The following BLTP2 variants were observed in gnomAD, a reference collection of about 807,000 sequenced individuals.
The protein encoded by BLTP2 is U937-associated antigen.
the BLTP2 span, chr17:28,634,622 C>T: frequency 6.2e-7 from 1 of 1,614,210 alleles, no homozygotes; most frequent in Non-Finnish European, 8.5e-7. Context: ...TGAACCTGTT[C>T]TACCACATGC....
the BLTP2 span, chr17:28,643,806 T>C: frequency 1.1e-6 from 1 of 898,180 alleles, no homozygotes; most frequent in Non-Finnish European, 1.8e-6. Flanking sequence ...AACAGTAAAA[T>C]CTTCGATTTC....
chr17:28,620,628 C>A, the BLTP2 span: 4 of 1,613,236 alleles, frequency 2.5e-6, no homozygotes, highest in South Asian at 3.3e-5. Context: ...GTATCCACAG[C>A]CCCTAGATAA....
At chr17:28,632,839 T>TCTCCCCTCCC in the BLTP2 span, 1 of 855,102 alleles carries the variant, frequency 1.2e-6, no homozygotes, top group Non-Finnish European at 1.7e-6. Flanking sequence ...CCCTTGCCCT[T>TCTCCCCTCCC]CTCCCCTCCC....
chr17:28,617,062 A>G, the BLTP2 span: 1 of 1,320,338 alleles, frequency 7.6e-7, no homozygotes, highest in Non-Finnish European at 1.1e-6. Flanking sequence ...AGCAACCCAC[A>G]AATCCTCTGC....
At chr17:28,634,999 G>C in the BLTP2 span, 1 of 1,613,328 alleles carries the variant, frequency 6.2e-7, no homozygotes, top group Non-Finnish European at 8.5e-7. Flanking sequence ...GAGTGGGACA[G>C]GGCTTGGAGA....
chr17:28,631,841 T>C, the BLTP2 span: 1 of 1,613,660 alleles, frequency 6.2e-7, no homozygotes, highest in South Asian at 1.1e-5. Context: ...AGCCGCTGAG[T>C]CCCCCGAGTG....
At chr17:28,642,973 A>C in the BLTP2 span, 3,814 of 1,593,888 alleles carry the variant, frequency 2.4e-3, 19 homozygotes, top group South Asian at 9.7e-3. Context: ...TAGCATCTAC[A>C]TGAATGGAGA....
chr17:28,626,018 C>T, the BLTP2 span, among the ~76,000 whole-genome samples: 32 of 152,338 alleles, frequency 2.1e-4, no homozygotes, highest in African/African-American at 7.2e-4. Context: ...CCGCCTCGGC[C>T]TCCCAAAGTG....
At chr17:28,639,944 T>C in the BLTP2 span, 2 of 1,614,100 alleles carry the variant, frequency 1.2e-6, no homozygotes, top group East Asian at 4.5e-5. Flanking sequence ...TATCAGAGTT[T>C]GCTGTGAAGC....
At chr17:28,638,651 G>T in the BLTP2 span, 1 of 1,481,296 alleles carries the variant, frequency 6.8e-7, no homozygotes, top group Non-Finnish European at 9.4e-7. Flanking sequence ...TTCTGCATAG[G>T]AACAAGACAT....
chr17:28,618,757 C>T, the BLTP2 span: 3 of 1,573,796 alleles, frequency 1.9e-6, no homozygotes, highest in Admixed American at 1.7e-5. Flanking sequence ...TCTCTCAATA[C>T]AGCTGCCTTT....
the BLTP2 span, chr17:28,637,841 A>C: frequency 1.1e-5 from 17 of 1,613,662 alleles, no homozygotes; most frequent in Non-Finnish European, 1.7e-6. Context: ...CTTACCAACC[A>C]AGGCAGAAAG....
chr17:28,627,858 G>C, the BLTP2 span, among the ~76,000 whole-genome samples: 3 of 151,640 alleles, frequency 2.0e-5, no homozygotes, highest in Non-Finnish European at 2.9e-5. Flanking sequence ...ATGGGGTTTT[G>C]CCATGTTGGC....
chr17:28,623,737 C>A, the BLTP2 span: 3 of 1,600,018 alleles, frequency 1.9e-6, no homozygotes, highest in Non-Finnish European at 2.6e-6. Context: ...ATATAATGGG[C>A]CTTCACAAAC....
the BLTP2 span, chr17:28,632,816 T>C: frequency 1.5e-6 from 1 of 651,662 alleles, no homozygotes; most frequent in Non-Finnish European, 2.5e-6. Context: ...AAAAAGGTCC[T>C]AACCTAGATT....
At chr17:28,616,847 A>T in the BLTP2 span, 17 of 1,604,760 alleles carry the variant, frequency 1.1e-5, no homozygotes, top group Non-Finnish European at 1.3e-5. The surrounding 1 kb of genome is among the most constrained non-coding windows in gnomAD (Gnocchi z 4.8). Flanking sequence ...GTGGCTTTTG[A>T]ATGTCCCTTG....
At chr17:28,620,031 G>A in the BLTP2 span, 1 of 1,599,242 alleles carries the variant, frequency 6.3e-7, no homozygotes, top group Non-Finnish European at 8.5e-7. Context: ...GGAATGGAAA[G>A]GGAAATGAAT....
At chr17:28,633,951 C>T in the BLTP2 span, 1 of 1,614,136 alleles carries the variant, frequency 6.2e-7, no homozygotes, top group South Asian at 1.1e-5. Flanking sequence ...TGCCACGTTA[C>T]CCCACGGAAG....
At chr17:28,643,609 C>T in the BLTP2 span, 5 of 1,613,342 alleles carry the variant, frequency 3.1e-6, no homozygotes, top group South Asian at 2.2e-5. Flanking sequence ...AGGGTACTCA[C>T]GGAAGATCAT....
Sources: allele counts gnomAD v4.1 joint callset (sites outside exome capture counted in the v4.1 genomes callset), GRCh38; gene constraint gnomAD v4.1.1; non-coding constraint Gnocchi (gnomAD v3.1); transcripts MANE v1.5; gene names NCBI Gene and HGNC (gene_info 2026-07-23, HGNC 2026-07-21).